Variants in JARID2 observed in about 807,000 individuals in gnomAD.
JARID2 encodes the protein jumonji and AT-rich interaction domain containing 2.
Under a neutral mutation model 125.6 loss-of-function variants are expected in JARID2, and 21 were observed. That is an observed-to-expected ratio of 0.17 (90% CI 0.12 to 0.24). JARID2 has a LOEUF of 0.24. Among genes scored for constraint, JARID2 ranks in the 10% least tolerant of loss-of-function variants. The pLI is 1.00. For missense variants in JARID2, 1,303 were observed against 1,639.6 expected (o/e 0.79, Z 3.55); for synonymous variants, 736 against 661.6 (o/e 1.11, Z -1.73).
At position 15,470,240 on chromosome 6, in the gene JARID2, T is replaced by G. The variant is rs191704753; in HGVS notation, c.670+1522T>G. 5.9e-3 allele frequency among the ~76,000 whole-genome samples: 887 copies of G among 151,488 alleles called. 11 individuals are homozygous for G. Among genetic ancestry groups the G allele is most frequent in the African/African-American group, 0.02 (830 of 41,252 alleles). On this transcript the variant is annotated intron_variant, in intron 5 of 17. Coordinates refer to ENST00000341776, the MANE Select transcript of JARID2 (RefSeq NM_004973.4). ...CAAAGAGAATGGGAGTCAGGAGATA[T>G]GGCTGTTTTCTGTTGTCCTCCTATC...
At chr6:15,393,571 G>C (rs1319464173) in intron 2 of JARID2, among the ~76,000 whole-genome samples, 3 of 152,206 alleles carry the variant, frequency 2.0e-5, no homozygotes, top group Admixed American at 6.5e-5. Context: ...CAAGATTTCA[G>C]AAAACTGTAA....
intron 4 of JARID2, among the ~76,000 whole-genome samples, chr6:15,453,692 T>C (rs1348725327): frequency 6.6e-6 from 1 of 152,266 alleles, no homozygotes; most frequent in African/African-American, 2.4e-5. Flanking sequence ...ACTCCTATTA[T>C]GTATTCTGAT....
At chr6:15,502,961 C>T (rs1218909619) in intron 8 of JARID2, among the ~76,000 whole-genome samples, 2 of 152,226 alleles carry the variant, frequency 1.3e-5, no homozygotes, top group Non-Finnish European at 2.9e-5. Flanking sequence ...GACTGAATAG[C>T]CAACTGGTGA....
chr6:15,473,403 CGTGTGTTTCT>C, intron 5 of JARID2, among the ~76,000 whole-genome samples: 1 of 149,954 alleles, frequency 6.7e-6, no homozygotes, highest in East Asian at 2.0e-4. Context: ...CAGGTCTTTA[CGTGTGTTTCT>C]CCTGATGAAA....
intron 1 of JARID2, among the ~76,000 whole-genome samples, chr6:15,306,697 G>T (rs1430442863): frequency 6.6e-6 from 1 of 151,578 alleles, no homozygotes; most frequent in Non-Finnish European, 1.5e-5. Flanking sequence ...CTGGGGAAAG[G>T]GGAAAAATAC....
intron 3 of JARID2, among the ~76,000 whole-genome samples, chr6:15,410,647 C>T (rs1044911774): frequency 1.3e-5 from 2 of 152,292 alleles, no homozygotes; most frequent in African/African-American, 4.8e-5. Flanking sequence ...CTTAACTGTT[C>T]ATTTAAATTG....
rs372963354 is a variant in JARID2 at position 15,246,250 on chromosome 6, T to G, written c.-290T>G. On this transcript the variant is annotated 5_prime_UTR_variant, in exon 1 of 18. Transcript: ENST00000341776. ...GGGAGTGAAGGGCGTCGGTTTTTTT[T>G]TGTGTGTGTGTGTATGTGTTTCGGG... is the stretch of plus-strand genomic sequence containing the variant. 791 of 464,808 alleles carry G rather than the reference T, an allele frequency of 1.7e-3. 5 individuals are homozygous for G. Among genetic ancestry groups the G allele is most frequent in the East Asian group, 2.5e-3 (74 of 29,056 alleles). 28.8% of individuals were successfully genotyped at this position (464,808 alleles called of 1,614,324 possible). A position where few individuals can be genotyped will look rare whatever the true frequency, so the allele number is the denominator to read the frequency against.
intron 5 of JARID2, among the ~76,000 whole-genome samples, chr6:15,480,334 T>C (rs961271262): frequency 6.6e-6 from 1 of 152,216 alleles, no homozygotes; most frequent in Non-Finnish European, 1.5e-5. Flanking sequence ...TTCAAGGAGG[T>C]TAGGCCTTCT....
chr6:15,454,048 C>T (rs1195432103), intron 4 of JARID2, among the ~76,000 whole-genome samples: 1 of 152,148 alleles, frequency 6.6e-6, no homozygotes, highest in East Asian at 1.9e-4. Context: ...GAGTTAGCAG[C>T]CATACCTCCA....
chr6:15,374,899 CA>C (rs1187457993), intron 2 of JARID2, among the ~76,000 whole-genome samples: 1 of 152,210 alleles, frequency 6.6e-6, no homozygotes, highest in Non-Finnish European at 1.5e-5. Flanking sequence ...TATTTTATTT[CA>C]GGGGAATGCA....
chr6:15,427,884 C>CTT (rs71535041), intron 3 of JARID2, among the ~76,000 whole-genome samples: 6 of 145,338 alleles, frequency 4.1e-5, no homozygotes, highest in Non-Finnish European at 9.1e-5. Flanking sequence ...TTAGACATAC[C>CTT]TTTTTTTTTT....
intron 3 of JARID2, among the ~76,000 whole-genome samples, chr6:15,446,793 TAGTG>T (rs1228868974): frequency 6.6e-6 from 1 of 152,194 alleles, no homozygotes; most frequent in Non-Finnish European, 1.5e-5. Context: ...TGGCAGGTTT[TAGTG>T]AGGGAGTGCA....
intron 1 of JARID2, among the ~76,000 whole-genome samples, chr6:15,300,680 ATGTTG>A (rs1268976006): frequency 4.6e-5 from 5 of 108,198 alleles, no homozygotes; most frequent in Non-Finnish European, 5.9e-5. Flanking sequence ...CAGTGTCCTC[ATGTTG>A]TGTGTGTGTG....
chr6:15,285,176 T>C (rs1307729780), intron 1 of JARID2, among the ~76,000 whole-genome samples: 2 of 145,522 alleles, frequency 1.4e-5, no homozygotes, highest in South Asian at 4.4e-4. Context: ...AATGGCACGA[T>C]CTTGGCTCAC....
chr6:15,263,659 C>A (rs1160913430), intron 1 of JARID2, among the ~76,000 whole-genome samples: 2 of 148,216 alleles, frequency 1.3e-5, no homozygotes, highest in East Asian at 4.0e-4. Flanking sequence ...GTGGCGCGAT[C>A]TCCACTCATT....
At chr6:15,339,888 C>A (rs1431957934) in intron 1 of JARID2, among the ~76,000 whole-genome samples, 1 of 149,386 alleles carries the variant, frequency 6.7e-6, no homozygotes, top group African/African-American at 2.4e-5. Context: ...TCATTTCTTT[C>A]ACCAGGGAGA....
chr6:15,257,224 C>T (rs1050170937), intron 1 of JARID2, among the ~76,000 whole-genome samples: 3 of 152,238 alleles, frequency 2.0e-5, no homozygotes, highest in Admixed American at 6.5e-5. Context: ...ATAAAATCCA[C>T]GTGTAATCCC....
intron 3 of JARID2, among the ~76,000 whole-genome samples, chr6:15,415,651 C>G (rs1456494871): frequency 2.1e-5 from 3 of 144,898 alleles, no homozygotes; most frequent in Non-Finnish European, 3.0e-5. Flanking sequence ...GGGCTGACCC[C>G]CCCCACCTCC....
intron 4 of JARID2, among the ~76,000 whole-genome samples, chr6:15,466,096 G>A (rs565013253): frequency 3.9e-5 from 6 of 152,144 alleles, no homozygotes; most frequent in African/African-American, 1.2e-4. Context: ...GAGCCACCAC[G>A]CCCAGCCTTA....
Sources: gnomAD v4.1 joint callset for allele counts (sites outside exome capture counted in the v4.1 genomes callset) on GRCh38, gnomAD v4.1.1 for gene constraint, MANE v1.5 for transcripts, NCBI Gene and HGNC (gene_info 2026-07-23, HGNC 2026-07-21) for gene names.